Variants in SETD7 observed in about 807,000 individuals in gnomAD.
SETD7 encodes SET domain containing 7, histone lysine methyltransferase.
Under a neutral mutation model 41.8 loss-of-function variants are expected in SETD7, and 16 were observed. The observed-to-expected ratio is 0.38, with a 90% CI of 0.26 to 0.58. The LOEUF is 0.58. SETD7 is among the 20% of genes least tolerant of loss of function. The pLI, the probability that SETD7 is intolerant of heterozygous loss-of-function variation, is 0.64. For synonymous variants in SETD7, 163 were observed against 169.7 expected (o/e 0.96, Z 0.31); for missense variants, 346 against 459.7 (o/e 0.75, Z 2.26).
At chr4:139,542,460 T>C (rs1471875892) in intron 2 of SETD7, among the ~76,000 whole-genome samples, 6 of 152,202 alleles carry the variant, frequency 3.9e-5, no homozygotes, top group Admixed American at 1.3e-4. Flanking sequence ...ATTACCCTGA[T>C]TGATCATTAC....
intron 2 of SETD7, among the ~76,000 whole-genome samples, chr4:139,543,888 C>T (rs1440422038): frequency 2.0e-5 from 3 of 152,054 alleles, no homozygotes; most frequent in East Asian, 3.9e-4. Flanking sequence ...GGTGTGAACC[C>T]AGGAGGCGGA....
intron 6 of SETD7, among the ~76,000 whole-genome samples, chr4:139,518,917 G>A (rs1727105194): frequency 6.6e-6 from 1 of 152,212 alleles, no homozygotes; most frequent in South Asian, 2.1e-4. Context: ...GCCTTTTGAA[G>A]CCAACAGGAT....
At chr4:139,538,893 C>A (rs1186150860) in intron 2 of SETD7, among the ~76,000 whole-genome samples, 1 of 152,070 alleles carries the variant, frequency 6.6e-6, no homozygotes, top group Non-Finnish European at 1.5e-5. Context: ...TTTTTCTGCA[C>A]ATAGATCAAT....
Position 139,511,594 on chromosome 4 carries a change from T to C in SETD7, c.*69A>G. 6.2e-7 allele frequency: 1 copy of C among 1,601,940 alleles called. No individual in the cohort carries two copies. Among genetic ancestry groups the C allele is most frequent in the Non-Finnish European group, 8.5e-7 (1 of 1,177,328 alleles). ...GCATGAGCAGTCCCTGGTTGTCCCA[T>C]TGTCAGATAAACGTAGTGCATAGAT... On this transcript the variant is annotated 3_prime_UTR_variant, in exon 8 of 8. Coordinates refer to ENST00000274031, the MANE Select transcript of SETD7 (RefSeq NM_030648.4).
intron 2 of SETD7, among the ~76,000 whole-genome samples, chr4:139,536,264 A>G (rs1380029027): frequency 6.6e-6 from 1 of 152,204 alleles, no homozygotes; most frequent in Non-Finnish European, 1.5e-5. Context: ...CTTGCTTTCC[A>G]TAATACATAT....
At chr4:139,503,436 C>T (rs950830929), downstream of SETD7, among the ~76,000 whole-genome samples, 1 of 152,074 alleles carries the variant, frequency 6.6e-6, no homozygotes, top group African/African-American at 2.4e-5. Context: ...GCCTCTATGG[C>T]TTTCTACTTC....
downstream of SETD7, among the ~76,000 whole-genome samples, chr4:139,495,573 G>C (rs929736675): frequency 2.0e-5 from 3 of 152,288 alleles, no homozygotes; most frequent in East Asian, 3.9e-4. Flanking sequence ...AGGAGAAAGA[G>C]AGCAGGGGAA....
intron 7 of SETD7, among the ~76,000 whole-genome samples, chr4:139,514,521 A>G (rs1362773173): frequency 1.3e-5 from 2 of 152,086 alleles, no homozygotes; most frequent in Admixed American, 6.5e-5. Flanking sequence ...TCAGGTGTTG[A>G]TTGTTGAAGA....
At chr4:139,503,450 G>A (rs569830897), downstream of SETD7, among the ~76,000 whole-genome samples, 9 of 152,158 alleles carry the variant, frequency 5.9e-5, no homozygotes, top group South Asian at 1.7e-3. Context: ...CTACTTCTGC[G>A]ACCATGTGCC....
Position 139,511,297 on chromosome 4 carries a change from G to C in SETD7, c.*366C>G, listed in dbSNP as rs546383270. 50 of 276,126 alleles carry C rather than the reference G, an allele frequency of 1.8e-4. No individual in the cohort carries two copies. Among genetic ancestry groups the C allele is most frequent in the South Asian group, 1.8e-3 (50 of 27,638 alleles). The allele number at this position is 276,126 out of a possible 1,614,324, so 17.1% of individuals were successfully genotyped here. On this transcript the variant is annotated 3_prime_UTR_variant, in exon 8 of 8. Coordinates refer to ENST00000274031, the MANE Select transcript of SETD7 (RefSeq NM_030648.4). ...AATTTGCACTGGCCATAGGAAAAAA[G>C]CACTATGGAAAAACCACTGACTAAA...
In SETD7 at chr4:139,555,212, C is replaced by T. The variant is rs368601738; in HGVS notation, c.40+886G>A. ...AAAAAAAAAAAAAGGTGGAGAAACTCAGCAAAACAAAGTGGCGAGAAAAGT... is the reference window on the plus strand; with the variant it reads ...AAAAAAAAAAAAAGGTGGAGAAACTTAGCAAAACAAAGTGGCGAGAAAAGT... On this transcript the variant is annotated intron_variant, in intron 1 of 7. Transcript: ENST00000274031. The surrounding 1 kb of genome is among the most constrained non-coding windows in gnomAD (Gnocchi z 4.0). 1.1e-4 allele frequency among the ~76,000 whole-genome samples: 16 copies of T among 148,966 alleles called. No individual in the cohort carries two copies. The East Asian group carries it at 2.4e-3, about 22-fold the overall frequency.
chr4:139,494,744 G>A (rs1726421870), downstream of SETD7, among the ~76,000 whole-genome samples: 1 of 152,220 alleles, frequency 6.6e-6, no homozygotes, highest in Admixed American at 6.5e-5. Context: ...TTATGCCTAT[G>A]GAATTCAGGA....
chr4:139,504,506 T>G (rs1726657420), downstream of SETD7, among the ~76,000 whole-genome samples: 1 of 152,186 alleles, frequency 6.6e-6, no homozygotes, highest in South Asian at 2.1e-4. Flanking sequence ...AATTTCTTCT[T>G]CTTCCTCTTA....
chr4:139,512,235 G>C (rs966067249), intron 7 of SETD7, among the ~76,000 whole-genome samples: 1 of 152,200 alleles, frequency 6.6e-6, no homozygotes, highest in African/African-American at 2.4e-5. Flanking sequence ...ATTTGAGCTT[G>C]TCTGGCCAGC....
downstream of SETD7, among the ~76,000 whole-genome samples, chr4:139,493,179 T>G (rs7666900): frequency 3.9e-5 from 6 of 152,080 alleles, no homozygotes; most frequent in Non-Finnish European, 5.9e-5. Context: ...ATGAAACAAT[T>G]TGGGTGGTAA....
chr4:139,502,925 G>A (rs1279599594), downstream of SETD7, among the ~76,000 whole-genome samples: 2 of 152,128 alleles, frequency 1.3e-5, no homozygotes, highest in African/African-American at 2.4e-5. Context: ...GCTCACGCCT[G>A]TAATCCTAAC....
chr4:139,505,399 G>A (rs1404266474), downstream of SETD7, among the ~76,000 whole-genome samples: 1 of 152,090 alleles, frequency 6.6e-6, no homozygotes, highest in Non-Finnish European at 1.5e-5. Context: ...GACCAGCCTC[G>A]CCAACATGGT....
At chr4:139,527,247 T>C (rs1469818928) in intron 4 of SETD7, among the ~76,000 whole-genome samples, 3 of 152,186 alleles carry the variant, frequency 2.0e-5, no homozygotes, top group Admixed American at 6.5e-5. Flanking sequence ...ACAGAAAAGA[T>C]GCAGTAAAAA....
chr4:139,520,044 A>G (rs930915800), intron 6 of SETD7, among the ~76,000 whole-genome samples: 1 of 152,190 alleles, frequency 6.6e-6, no homozygotes, highest in African/African-American at 2.4e-5. Context: ...AGTCTAATAT[A>G]CCAATTACTG....
Sources: gnomAD v4.1 joint callset for allele counts (sites outside exome capture counted in the v4.1 genomes callset) on GRCh38, gnomAD v4.1.1 for gene constraint, Gnocchi (gnomAD v3.1) non-coding constraint, MANE v1.5 for transcripts, NCBI Gene and HGNC (gene_info 2026-07-23, HGNC 2026-07-21) for gene names.